The following MAP4K4 variants were observed in gnomAD, a reference collection of about 807,000 sequenced individuals.
MAP4K4 encodes HPK/GCK-like kinase HGK.
MAP4K4 carries 38 observed loss-of-function variants against 189.6 expected under a neutral mutation model. That is an observed-to-expected ratio of 0.20 (90% CI 0.15 to 0.26). The LOEUF is 0.26. Among genes scored for constraint, MAP4K4 ranks in the 10% least tolerant of loss-of-function variants. MAP4K4 has a pLI of 1.00. For missense variants in MAP4K4, 1,054 were observed against 1,726.9 expected, an observed-to-expected ratio of 0.61 and a Z score of 6.91; for synonymous variants, 610 against 624.3, an observed-to-expected ratio of 0.98 and a Z score of 0.34.
intron 2 of MAP4K4, among the ~76,000 whole-genome samples, chr2:101,701,823 A>G (rs1412094284): frequency 1.3e-5 from 2 of 152,176 alleles, no homozygotes; most frequent in East Asian, 3.8e-4. Flanking sequence ...TGAAAAATTA[A>G]AACCAGAAAT....
exon 23 of MAP4K4, chr2:101,870,354 A>T (rs778367356): frequency 6.2e-7 from 1 of 1,613,684 alleles, no homozygotes; most frequent in Non-Finnish European, 8.5e-7. Context: ...ATTGTCCATG[A>T]TGATGTAGAA....
chr2:101,724,859 A>G (rs1363276224), intron 2 of MAP4K4, among the ~76,000 whole-genome samples: 7 of 152,244 alleles, frequency 4.6e-5, no homozygotes, highest in Non-Finnish European at 8.8e-5. Context: ...GTTTTAATCC[A>G]TGATGTACCT....
At chr2:101,819,006 A>G (rs1367025681) in intron 3 of MAP4K4, among the ~76,000 whole-genome samples, 1 of 152,228 alleles carries the variant, frequency 6.6e-6, no homozygotes, top group Non-Finnish European at 1.5e-5. Context: ...GTGACCTGCT[A>G]AAGAAGGGCA....
At chr2:101,842,359 T>C (rs2096945865) in intron 10 of MAP4K4, among the ~76,000 whole-genome samples, 2 of 152,292 alleles carry the variant, frequency 1.3e-5, no homozygotes, top group Admixed American at 1.3e-4. Flanking sequence ...CAGCAGTACA[T>C]CCCCATACAA....
intron 3 of MAP4K4, among the ~76,000 whole-genome samples, chr2:101,800,519 TTAA>T (rs767844467): frequency 6.6e-6 from 1 of 152,228 alleles, no homozygotes; most frequent in Non-Finnish European, 1.5e-5. Flanking sequence ...CTACTATATT[TTAA>T]TAATCATACA....
chr2:101,745,403 G>T, intron 2 of MAP4K4, among the ~76,000 whole-genome samples: 1 of 107,182 alleles, frequency 9.3e-6, no homozygotes, highest in African/African-American at 4.1e-5. Context: ...GGTCTCTGGT[G>T]ATTTCCTACA....
intron 2 of MAP4K4, among the ~76,000 whole-genome samples, chr2:101,702,583 G>T (rs1297683739): frequency 6.6e-6 from 1 of 152,086 alleles, no homozygotes; most frequent in Non-Finnish European, 1.5e-5. Flanking sequence ...AAAAAGAAAA[G>T]AAAAGAAGAT....
At chr2:101,817,246 T>C (rs1164453601) in intron 3 of MAP4K4, among the ~76,000 whole-genome samples, 1 of 152,110 alleles carries the variant, frequency 6.6e-6, no homozygotes, top group Non-Finnish European at 1.5e-5. Flanking sequence ...ACATGAAGCT[T>C]TGGAAAGATC....
In MAP4K4 at chr2:101,808,049, G is replaced by A. The variant is rs373933638; in HGVS notation, c.181-15879G>A. On this transcript the variant is annotated intron_variant, in intron 3 of 32. Transcript: ENST00000324219. ...ACCAAAGATGCTTCTTCACAGTAAA[G>A]CCCAACAACGGAAGTTTTCTTCAGG... 5.4e-4 allele frequency among the ~76,000 whole-genome samples: 82 copies of A among 152,366 alleles called. 4 individuals are homozygous for A. The East Asian group carries it at 0.013, about 25-fold the overall frequency.
chr2:101,853,143 A>G (rs1450559223), intron 12 of MAP4K4, among the ~76,000 whole-genome samples: 5 of 152,190 alleles, frequency 3.3e-5, no homozygotes, highest in Non-Finnish European at 1.5e-5. Context: ...CTCTGTTGCT[A>G]AGTAGTTGCC....
At chr2:101,848,844 T>G (rs2097190913) in intron 12 of MAP4K4, among the ~76,000 whole-genome samples, 1 of 152,192 alleles carries the variant, frequency 6.6e-6, no homozygotes, top group African/African-American at 2.4e-5. Flanking sequence ...TCCTTGCAAC[T>G]CTTTTGGAGT....
chr2:101,741,419 C>T (rs1574661352), intron 2 of MAP4K4, among the ~76,000 whole-genome samples: 1 of 152,054 alleles, frequency 6.6e-6, no homozygotes, highest in Non-Finnish European at 1.5e-5. Context: ...CTGCCTGCCT[C>T]AGCCTCCCAA....
chr2:101,711,806 T>C (rs1042612213), intron 2 of MAP4K4, among the ~76,000 whole-genome samples: 1 of 151,880 alleles, frequency 6.6e-6, no homozygotes, highest in Non-Finnish European at 1.5e-5. Flanking sequence ...TCATTAGTTT[T>C]CTAGTTAATT....
exon 33 of MAP4K4, chr2:101,892,190 CAT>C (rs1181458557): frequency 6.7e-6 from 1 of 149,184 alleles, no homozygotes; most frequent in Non-Finnish European, 1.5e-5. Context: ...ATTCAAACCA[CAT>C]GTTTATTTTT....
intron 9 of MAP4K4, among the ~76,000 whole-genome samples, chr2:101,837,295 C>T (rs2096786716): frequency 6.6e-6 from 1 of 151,716 alleles, no homozygotes; most frequent in African/African-American, 2.4e-5. Flanking sequence ...GTTCTCTTTC[C>T]CCTATATTGT....
At chr2:101,718,617 G>A (rs1231862885) in intron 2 of MAP4K4, among the ~76,000 whole-genome samples, 9 of 135,582 alleles carry the variant, frequency 6.6e-5, no homozygotes, top group Admixed American at 6.0e-4. Context: ...GGGTGGGGTG[G>A]TGGTGGGGTG....
chr2:101,789,471 G>A (rs1272375997), intron 2 of MAP4K4, among the ~76,000 whole-genome samples: 2 of 152,180 alleles, frequency 1.3e-5, no homozygotes, highest in African/African-American at 4.8e-5. Context: ...TATATAGATA[G>A]GAGCCTGAGG....
chr2:101,798,692 G>C (rs2094057433), intron 3 of MAP4K4, among the ~76,000 whole-genome samples: 1 of 152,164 alleles, frequency 6.6e-6, no homozygotes. Context: ...TATATAAGTA[G>C]TAGACACTCA....
exon 13 of MAP4K4, chr2:101,856,087 A>G: frequency 1.3e-6 from 2 of 1,551,734 alleles, no homozygotes; most frequent in African/African-American, 1.4e-5. Flanking sequence ...GCAAAGAAGA[A>G]GAGGAGAGGA....
Sources: gnomAD v4.1 joint callset for allele counts (sites outside exome capture counted in the v4.1 genomes callset) on GRCh38, gnomAD v4.1.1 for gene constraint, MANE v1.5 for transcripts, NCBI Gene and HGNC (gene_info 2026-07-23, HGNC 2026-07-21) for gene names.